Variants in ROBO2 observed in about 807,000 individuals in gnomAD.
The protein encoded by ROBO2 is roundabout homolog 2.
Under a neutral mutation model 160.8 loss-of-function variants are expected in ROBO2, and 53 were observed. That is an observed-to-expected ratio of 0.33 (90% confidence interval 0.26 to 0.41). ROBO2 has a LOEUF of 0.41. Among genes scored for constraint, ROBO2 ranks in the 10% least tolerant of loss-of-function variants. ROBO2 has a pLI of 1.00. For synonymous variants in ROBO2, 664 were observed against 611.7 expected, an observed-to-expected ratio of 1.09 and a Z score of -1.26; for missense variants, 1,577 against 1,722.4, an observed-to-expected ratio of 0.92 and a Z score of 1.49.
At chr3:76,222,794 G>A (rs757546772) in intron 2 of ROBO2, among the ~76,000 whole-genome samples, 26 of 150,710 alleles carry the variant, frequency 1.7e-4, no homozygotes, top group African/African-American at 3.7e-4. Flanking sequence ...TCCTTCTGTC[G>A]CCCACGCTGG....
At chr3:77,245,021 T>A (rs1580334026) in intron 2 of ROBO2, among the ~76,000 whole-genome samples, 1 of 152,022 alleles carries the variant, frequency 6.6e-6, no homozygotes, top group East Asian at 1.9e-4. Context: ...ACAAATATTA[T>A]ATTTCCATTT....
chr3:76,713,571 A>G (rs1183836587), intron 2 of ROBO2, among the ~76,000 whole-genome samples: 3 of 152,178 alleles, frequency 2.0e-5, no homozygotes, highest in Non-Finnish European at 1.5e-5. Flanking sequence ...TTAAAAACTT[A>G]CTTTTGACTA....
chr3:76,998,649 T>C (rs1357442298), intron 2 of ROBO2, among the ~76,000 whole-genome samples: 2 of 152,180 alleles, frequency 1.3e-5, no homozygotes, highest in Non-Finnish European at 2.9e-5. Context: ...AGGGAAAAAG[T>C]TATACAGGTA....
chr3:76,094,498 G>A (rs1045723726), intron 2 of ROBO2, among the ~76,000 whole-genome samples: 1 of 152,156 alleles, frequency 6.6e-6, no homozygotes, highest in Non-Finnish European at 1.5e-5. Flanking sequence ...ACTCCATCTA[G>A]CAAGGAAAGA....
intron 2 of ROBO2, among the ~76,000 whole-genome samples, chr3:76,062,769 T>A (rs73842940): frequency 0.02 from 2,984 of 152,266 alleles, 36 homozygotes; most frequent in East Asian, 0.081. Context: ...TGCTTGACCC[T>A]AGCAAATCAT....
intron 2 of ROBO2, among the ~76,000 whole-genome samples, chr3:77,403,799 A>G (rs566542789): frequency 6.6e-6 from 1 of 152,154 alleles, no homozygotes; most frequent in South Asian, 2.1e-4. Flanking sequence ...GAACATTTCT[A>G]TGTACCAAAC....
intron 2 of ROBO2, among the ~76,000 whole-genome samples, chr3:76,881,937 G>GTT (rs1356001292): frequency 7.9e-5 from 12 of 151,910 alleles, no homozygotes; most frequent in African/African-American, 2.9e-4. Context: ...TGGTAGGTTG[G>GTT]TTGTGTGTGT....
At chr3:76,771,796 G>T (rs190333765) in intron 2 of ROBO2, among the ~76,000 whole-genome samples, 22 of 150,664 alleles carry the variant, frequency 1.5e-4, no homozygotes, top group African/African-American at 5.4e-4. Context: ...CTAGACTAAT[G>T]AGGAAAAATC....
At chr3:77,409,973 A>G (rs1275503501) in intron 2 of ROBO2, among the ~76,000 whole-genome samples, 1 of 152,208 alleles carries the variant, frequency 6.6e-6, no homozygotes, top group African/African-American at 2.4e-5. Flanking sequence ...GTAAAACAGA[A>G]ACTACTTTTT....
chr3:77,607,310 T>C (rs1168618160), intron 20 of ROBO2, among the ~76,000 whole-genome samples: 1 of 152,262 alleles, frequency 6.6e-6, no homozygotes, highest in East Asian at 1.9e-4. Flanking sequence ...TGATTGATTT[T>C]TATCAGTTAC....
intron 6 of ROBO2, among the ~76,000 whole-genome samples, chr3:77,536,126 G>A (rs2092080185): frequency 6.6e-6 from 1 of 152,170 alleles, no homozygotes; most frequent in East Asian, 1.9e-4. Context: ...TGGCAAACTC[G>A]AACTATGAGC....
chr3:77,498,725 G>A (rs1003400523), intron 5 of ROBO2, among the ~76,000 whole-genome samples: 2 of 151,904 alleles, frequency 1.3e-5, no homozygotes, highest in Non-Finnish European at 2.9e-5. Context: ...GTGCTTCTGG[G>A]ACACAGAGAT....
chr3:75,979,776 A>G (rs991047776), intron 2 of ROBO2, among the ~76,000 whole-genome samples: 2 of 151,566 alleles, frequency 1.3e-5, no homozygotes, highest in Non-Finnish European at 3.0e-5. Context: ...AAAGCTACAC[A>G]TTGTTTTAGT....
chr3:76,493,522 T>G (rs1046527279), intron 2 of ROBO2, among the ~76,000 whole-genome samples: 1 of 151,850 alleles, frequency 6.6e-6, no homozygotes, highest in Non-Finnish European at 1.5e-5. Flanking sequence ...TTGGAAAAGT[T>G]CATTCTCTTC....
chr3:76,225,524 G>C (rs1270368942), intron 2 of ROBO2, among the ~76,000 whole-genome samples: 1 of 152,082 alleles, frequency 6.6e-6, no homozygotes, highest in Non-Finnish European at 1.5e-5. Context: ...AGACTAGTCT[G>C]GGCAACATGG....
intron 2 of ROBO2, among the ~76,000 whole-genome samples, chr3:75,986,220 T>TA (rs2065409336): frequency 1.3e-5 from 2 of 151,554 alleles, no homozygotes; most frequent in East Asian, 1.9e-4. Context: ...TGTTTTTTTT[T>TA]AATAGTAACT....
intron 2 of ROBO2, among the ~76,000 whole-genome samples, chr3:77,369,461 G>A (rs150283951): frequency 3.5e-3 from 527 of 152,288 alleles, no homozygotes; most frequent in Non-Finnish European, 5.7e-3. Flanking sequence ...GAAACCAAGC[G>A]ATAATCTTGT....
intron 2 of ROBO2, among the ~76,000 whole-genome samples, chr3:76,367,553 A>G (rs895599862): frequency 6.2e-4 from 95 of 152,024 alleles, no homozygotes; most frequent in African/African-American, 1.9e-3. Context: ...AAATGCTCAC[A>G]CTCAATGTTA....
At chr3:77,074,287 G>A (rs2067716476) in intron 1 of ROBO2, among the ~76,000 whole-genome samples, 2 of 152,186 alleles carry the variant, frequency 1.3e-5, no homozygotes, top group South Asian at 2.1e-4. Context: ...TTAACTTGCA[G>A]CCTCTCACCT....
Sources: gnomAD v4.1 joint callset for allele counts (sites outside exome capture counted in the v4.1 genomes callset) on GRCh38, gnomAD v4.1.1 for gene constraint, MANE v1.5 for transcripts, NCBI Gene and HGNC (gene_info 2026-07-23, HGNC 2026-07-21) for gene names.